Variants in ZNF521 observed in about 807,000 individuals in gnomAD.
ZNF521 encodes zinc finger protein 521, also known as LYST-interacting protein 3.
A neutral mutation model predicts 105.5 loss-of-function variants in ZNF521; 14 were observed. That is an observed-to-expected ratio of 0.13 (90% CI 0.09 to 0.21). The LOEUF (loss-of-function observed/expected upper bound fraction) is 0.21. ZNF521 is among the 10% of genes least tolerant of loss of function. ZNF521 has a pLI of 1.00. For synonymous variants in ZNF521, 635 were observed against 606.0 expected, an observed-to-expected ratio of 1.05 and a Z score of -0.70; for missense variants, 1,233 against 1,629.7, an observed-to-expected ratio of 0.76 and a Z score of 4.19.
chr18:25,194,669 A>G (rs2035873660), intron 5 of ZNF521, among the ~76,000 whole-genome samples: 1 of 151,702 alleles, frequency 6.6e-6, no homozygotes, highest in African/African-American at 2.4e-5. Flanking sequence ...GATTATTTCC[A>G]GGCTGTTGAA....
At chr18:25,087,810 T>C (rs756122293) in intron 7 of ZNF521, among the ~76,000 whole-genome samples, 8 of 152,232 alleles carry the variant, frequency 5.3e-5, no homozygotes, top group African/African-American at 1.7e-4. Context: ...CAAGGTAAGA[T>C]AGTAACTTTA....
At chr18:25,087,643 T>G (rs757009373) in intron 7 of ZNF521, among the ~76,000 whole-genome samples, 11 of 152,246 alleles carry the variant, frequency 7.2e-5, no homozygotes, top group Non-Finnish European at 1.5e-4. Context: ...AAATGACTTA[T>G]GCTTTGATAC....
intron 5 of ZNF521, among the ~76,000 whole-genome samples, chr18:25,099,876 C>T (rs2033932363): frequency 6.6e-6 from 1 of 152,148 alleles, no homozygotes; most frequent in East Asian, 1.9e-4. Context: ...GAGGATAGTT[C>T]ATGCAGCATA....
At chr18:25,100,566 G>A (rs2033946563) in intron 5 of ZNF521, among the ~76,000 whole-genome samples, 1 of 151,840 alleles carries the variant, frequency 6.6e-6, no homozygotes, top group Non-Finnish European at 1.5e-5. Flanking sequence ...TTGTGGCAAT[G>A]GTAAGAAAAC....
intron 5 of ZNF521, among the ~76,000 whole-genome samples, chr18:25,129,684 T>C (rs1207924864): frequency 1.3e-5 from 2 of 152,018 alleles, no homozygotes; most frequent in Non-Finnish European, 2.9e-5. Context: ...GGGTATGATC[T>C]GGACACTTCA....
At chr18:25,174,537 T>C (rs1182640038) in intron 5 of ZNF521, among the ~76,000 whole-genome samples, 1 of 152,194 alleles carries the variant, frequency 6.6e-6, no homozygotes, top group Non-Finnish European at 1.5e-5. Context: ...AGGGAGTCCT[T>C]GGAGGCCCTG....
intron 7 of ZNF521, 72 bp from the exon 8 acceptor site, chr18:25,062,813 G>T (rs1035602851): frequency 1.5e-6 from 2 of 1,324,958 alleles, no homozygotes; most frequent in Non-Finnish European, 2.0e-6. Flanking sequence ...AAACTTCAGT[G>T]ATTTCATTTT....
chr18:25,079,397 G>A (rs1477358197), intron 7 of ZNF521, among the ~76,000 whole-genome samples: 1 of 152,144 alleles, frequency 6.6e-6, no homozygotes, highest in Non-Finnish European at 1.5e-5. Context: ...GCACAGCCTC[G>A]GCTCTCGGAG....
At chr18:25,084,758 A>G (rs551246283) in intron 7 of ZNF521, among the ~76,000 whole-genome samples, 7 of 152,310 alleles carry the variant, frequency 4.6e-5, no homozygotes, top group Middle Eastern at 3.4e-3. Context: ...TTCTATGTGG[A>G]CACATTGGGA....
At chr18:25,254,418 C>G (rs555627844) in intron 3 of ZNF521, among the ~76,000 whole-genome samples, 1 of 152,246 alleles carries the variant, frequency 6.6e-6, no homozygotes, top group East Asian at 1.9e-4. Context: ...TCAGCTACTA[C>G]CCAGGACAGC....
chr18:25,220,914 G>T (rs1044412331), intron 4 of ZNF521, among the ~76,000 whole-genome samples: 1 of 152,142 alleles, frequency 6.6e-6, no homozygotes, highest in Non-Finnish European at 1.5e-5. Flanking sequence ...TTTATTCAAC[G>T]TATAGTAAAT....
At chr18:25,174,221 T>A (rs1378921800) in intron 5 of ZNF521, among the ~76,000 whole-genome samples, 1 of 152,096 alleles carries the variant, frequency 6.6e-6, no homozygotes, top group Non-Finnish European at 1.5e-5. Context: ...CAGAGGACAT[T>A]TTTGGGATGA....
chr18:25,136,795 C>T (rs1203065918), intron 5 of ZNF521: 3 of 152,120 alleles, frequency 2.0e-5, no homozygotes, highest in Non-Finnish European at 2.9e-5. Context: ...AAATATTCTC[C>T]GCCCCAAAAG....
chr18:25,085,876 A>C (rs1231313617), intron 7 of ZNF521, among the ~76,000 whole-genome samples: 1 of 152,116 alleles, frequency 6.6e-6, no homozygotes, highest in African/African-American at 2.4e-5. Context: ...ATTCATGTAC[A>C]TTTAAAAGAT....
At chr18:25,243,283 T>C (rs1907474503) in intron 3 of ZNF521, among the ~76,000 whole-genome samples, 1 of 152,174 alleles carries the variant, frequency 6.6e-6, no homozygotes, top group Admixed American at 6.5e-5. Flanking sequence ...AATTAAATGG[T>C]ATCATGCCTC....
At chr18:25,192,901 T>G (rs1490011595) in intron 5 of ZNF521, among the ~76,000 whole-genome samples, 1 of 152,128 alleles carries the variant, frequency 6.6e-6, no homozygotes, top group Non-Finnish European at 1.5e-5. Context: ...AGGACTTGGA[T>G]GCATGGTCAA....
chr18:25,232,566 G>A (rs1443441553), intron 3 of ZNF521, among the ~76,000 whole-genome samples: 1 of 152,102 alleles, frequency 6.6e-6, no homozygotes, highest in Non-Finnish European at 1.5e-5. Context: ...GAAAATAAAA[G>A]ATAAATAGCT....
Position 25,352,005 on chromosome 18 carries a change from C to A in ZNF521, c.-2G>T, listed in dbSNP as rs1364836980. On this transcript the variant is annotated splice_region_variant and 5_prime_UTR_variant, in exon 1 of 8. It adds an upstream start codon to the 5' untranslated region. Transcript: ENST00000361524. ...TGTGTGCTCCCTCCTCATCACAAAC[C>A]TGCAAGGTCTTGGACTGCGCTGTCG... 2.2e-6 allele frequency: 1 copy of A among 450,246 alleles called. No homozygotes were observed. Among genetic ancestry groups the A allele is most frequent in the Admixed American group, 2.2e-5 (1 of 46,032 alleles). 27.9% of individuals were successfully genotyped at this position (450,246 alleles called of 1,614,324 possible).
At position 25,155,403 on chromosome 18, in the gene ZNF521, CAGA is replaced by C. The variant is rs1279739801; in HGVS notation, c.3658+39754_3658+39756del. 3.9e-5 allele frequency among the ~76,000 whole-genome samples: 6 copies of C among 152,164 alleles called. No homozygotes were observed. The South Asian group carries it at 1.2e-3, about 32-fold the overall frequency. ...CCACAGCAGATTTTTTTCTGCTCTG[CAGA>C]AGTTTTTTAGTTTGATGTAGCCCTA... On this transcript the variant is annotated intron_variant, in intron 5 of 7. Coordinates refer to ENST00000361524, the MANE Select transcript of ZNF521 (RefSeq NM_015461.3).
Sources: allele counts gnomAD v4.1 joint callset (sites outside exome capture counted in the v4.1 genomes callset), GRCh38; gene constraint gnomAD v4.1.1; transcripts MANE v1.5; gene names NCBI Gene and HGNC (gene_info 2026-07-23, HGNC 2026-07-21).